AP1B1: variants seen among roughly 807,000 people sequenced by gnomAD.
AP1B1 encodes adaptor related protein complex 1 subunit beta 1, also known as AP-1 complex subunit beta-1.
Under a neutral mutation model 104.3 loss-of-function variants are expected in AP1B1, and 36 were observed. The observed-to-expected ratio is 0.35, with a 90% CI of 0.26 to 0.46. AP1B1 has a LOEUF of 0.46. Ranked by LOEUF, AP1B1 falls within the 20% of genes least tolerant of loss-of-function variation. AP1B1 has a pLI of 1.00. For synonymous variants in AP1B1, 504 were observed against 517.5 expected (o/e 0.97, Z 0.35); for missense variants, 901 against 1,247.9 (o/e 0.72, Z 4.19).
chr22:29,382,448 A>G (rs1475457705), intron 1 of AP1B1, among the ~76,000 whole-genome samples: 2 of 152,194 alleles, frequency 1.3e-5, no homozygotes, highest in East Asian at 1.9e-4. Context: ...ACACTTCTAC[A>G]TGTTGGGAAT....
At position 29,334,280 on chromosome 22, in the gene AP1B1, T is replaced by A. The variant is rs776906080; in HGVS notation, c.2294A>T (p.Gln765Leu). 6.2e-7 allele frequency: 1 copy of A among 1,601,220 alleles called. No homozygotes were observed. Among genetic ancestry groups the A allele is most frequent in the South Asian group, 1.1e-5 (1 of 89,386 alleles). ...GAGCTCTCACCTGTTGCGGTTGAACTGGATGGCAAAGTCGGTCATGACCTG... is the reference window on the plus strand; with the variant it reads ...GAGCTCTCACCTGTTGCGGTTGAACAGGATGGCAAAGTCGGTCATGACCTG... ...ALQVMTDFAI[Q>L]FNRNSFGLAP... The change falls in exon 17 of 23, where the codon CAG becomes CTG. Residue 765 changes from glutamine to leucine, a missense_variant. Gln to Leu is a moderately radical substitution (Grantham distance 113). Coordinates refer to ENST00000357586, the MANE Select transcript of AP1B1 (RefSeq NM_001127.4).
intron 1 of AP1B1, among the ~76,000 whole-genome samples, chr22:29,387,667 T>G (rs2062550234): frequency 6.6e-6 from 1 of 152,212 alleles, no homozygotes; most frequent in African/African-American, 2.4e-5. Context: ...GTCTCTGTAC[T>G]TTGCAGGTCT....
intron 1 of AP1B1, among the ~76,000 whole-genome samples, chr22:29,386,278 C>T (rs1250045648): frequency 6.6e-6 from 1 of 152,216 alleles, no homozygotes; most frequent in Non-Finnish European, 1.5e-5. Flanking sequence ...CAGGAAGCTG[C>T]TGAGCTGGGG....
At chr22:29,385,664 C>T (rs905296699) in intron 1 of AP1B1, among the ~76,000 whole-genome samples, 5 of 152,262 alleles carry the variant, frequency 3.3e-5, no homozygotes, top group African/African-American at 9.6e-5. Flanking sequence ...CATGTGAAGA[C>T]ATAAAGAACA....
At chr22:29,380,024 C>T (rs952468396) in intron 1 of AP1B1, among the ~76,000 whole-genome samples, 1 of 152,154 alleles carries the variant, frequency 6.6e-6, no homozygotes, top group African/African-American at 2.4e-5. Flanking sequence ...AAGGAGCAGA[C>T]GAGGCTAGGG....
chr22:29,374,797 A>T (rs577822033), intron 1 of AP1B1, among the ~76,000 whole-genome samples: 2 of 152,332 alleles, frequency 1.3e-5, no homozygotes, highest in South Asian at 4.1e-4. Flanking sequence ...CTACGTAGAT[A>T]CAAAATTATT....
rs2061512637 is a variant in AP1B1, at chr22:29,328,755, G to A, written c.*66C>T. The A allele has an allele frequency of 1.3e-6, 2 of 1,549,556 alleles. No individual in the cohort carries two copies. The highest frequency in any genetic ancestry group is 1.9e-5 in the Admixed American group (1 of 51,308). On this transcript the variant is annotated 3_prime_UTR_variant, in exon 23 of 23. Coordinates refer to ENST00000357586, the MANE Select transcript of AP1B1 (RefSeq NM_001127.4). The surrounding 1 kb of genome is among the most constrained non-coding windows in gnomAD (Gnocchi z 4.1). ...TGGTCCCTCCTGCGAGGAGGAAGAT[G>A]TGCTGCCCCCGAGGGGCCTCCTCGA... is the stretch of plus-strand genomic sequence containing the variant.
chr22:29,330,576 G>T, intron 20 of AP1B1, 44 bp from the exon 21 acceptor site: 1 of 1,612,970 alleles, frequency 6.2e-7, no homozygotes, highest in Non-Finnish European at 8.5e-7. Flanking sequence ...CAGCGCGGGG[G>T]CCTGGGTACA....
rs181065904 is a variant in AP1B1 at position 29,357,444 on chromosome 22, C to T, written c.526-828G>A. Among the ~76,000 whole-genome samples the T allele has an allele frequency of 8.1e-4, 123 of 152,292 alleles. 1 individual carries two copies. Among genetic ancestry groups the T allele is most frequent in the African/African-American group, 2.8e-3 (118 of 41,554 alleles). ...GTAGTGGTGCAATCTTGGCTTACTG[C>T]AACCTCTGCCTCCTGGGCTCAAGCA... On this transcript the variant is annotated intron_variant, in intron 5 of 22. Transcript: ENST00000357586.
intron 16 of AP1B1, 145 bp downstream of exon 16, chr22:29,338,845 C>T: frequency 8.2e-7 from 1 of 1,218,218 alleles, no homozygotes; most frequent in Non-Finnish European, 1.1e-6. Flanking sequence ...CTTAGCTCCT[C>T]TTCCTCGGTG....
intron 1 of AP1B1, among the ~76,000 whole-genome samples, chr22:29,382,328 T>C (rs1225994288): frequency 6.6e-6 from 1 of 152,204 alleles, no homozygotes; most frequent in Non-Finnish European, 1.5e-5. Context: ...ATTACAGGCA[T>C]GAGCCACGGC....
intron 3 of AP1B1, 68 bp downstream of exon 3, chr22:29,362,933 T>G (rs1391312038): frequency 1.1e-6 from 1 of 908,732 alleles, no homozygotes; most frequent in Non-Finnish European, 1.9e-6. Context: ...GAGACTGAAG[T>G]GGACCCAAGC....
intron 7 of AP1B1, 38 bp downstream of exon 7, chr22:29,354,612 A>C: frequency 6.3e-7 from 1 of 1,587,576 alleles, no homozygotes; most frequent in Non-Finnish European, 8.6e-7. Flanking sequence ...AGGCTCCCCG[A>C]GGGGTACGCA....
chr22:29,340,521 C>T, intron 14 of AP1B1, 135 bp downstream of exon 14: 1 of 979,826 alleles, frequency 1.0e-6, no homozygotes. Flanking sequence ...TACACAATCA[C>T]CTCCAAGGGT....
intron 1 of AP1B1, among the ~76,000 whole-genome samples, chr22:29,378,932 C>T (rs2062393298): frequency 6.6e-6 from 1 of 150,700 alleles, no homozygotes; most frequent in Non-Finnish European, 1.5e-5. Flanking sequence ...TGAAAAGGAA[C>T]TAAAGGCAGA....
chr22:29,346,334 C>T (rs1017133552), intron 11 of AP1B1, among the ~76,000 whole-genome samples: 2 of 152,338 alleles, frequency 1.3e-5, no homozygotes, highest in East Asian at 1.9e-4. Context: ...CCTACAGCAG[C>T]GGTTCCCAGC....
At position 29,339,744 on chromosome 22, in the gene AP1B1, T is replaced by C. The variant is rs200241078; in HGVS notation, c.2019+10A>G. On this transcript the variant is annotated intron_variant, in intron 15 of 22. Transcript: ENST00000357586. ...GACGAAGGCTTGGTGACGCAAGGGT[T>C]GAACCATACCCCTTCAGGCTCATCC... The C allele has an allele frequency of 8.9e-5, 143 of 1,609,410 alleles. No homozygotes were observed. The African/African-American group carries it at 1.8e-3, about 20-fold the overall frequency.
At position 29,328,456 on chromosome 22, in the gene AP1B1, G is replaced by C. The variant is rs1425848124; in HGVS notation, c.*365C>G. 8.8e-6 allele frequency: 2 copies of C among 227,684 alleles called. No homozygotes were observed. Among genetic ancestry groups the C allele is most frequent in the Non-Finnish European group, 1.8e-5 (2 of 113,702 alleles). The allele number at this position is 227,684 out of a possible 1,614,324, so 14.1% of individuals were successfully genotyped here. On this transcript the variant is annotated 3_prime_UTR_variant, in exon 23 of 23. Transcript: ENST00000357586. The surrounding 1 kb of genome is among the most constrained non-coding windows in gnomAD (Gnocchi z 4.1). ...GTGGAGGGCCCTTTAACACCAACCG[G>C]AGAGACCAAGGAGCCAGGGGCTGCC...
chr22:29,363,505 G>A (rs1452187599), intron 2 of AP1B1, among the ~76,000 whole-genome samples: 14 of 152,010 alleles, frequency 9.2e-5, no homozygotes, highest in Admixed American at 1.3e-4. Flanking sequence ...AAAATTAGCC[G>A]GGCATAGTGG....
Sources: allele counts gnomAD v4.1 joint callset (sites outside exome capture counted in the v4.1 genomes callset), GRCh38; gene constraint gnomAD v4.1.1; non-coding constraint Gnocchi (gnomAD v3.1); transcripts MANE v1.5; gene names NCBI Gene and HGNC (gene_info 2026-07-23, HGNC 2026-07-21).